Variants in ATP6V0D1 observed in about 807,000 individuals in gnomAD.
ATP6V0D1 encodes the protein ATPase H+ transporting V0 subunit d1.
Under a neutral mutation model 39.0 loss-of-function variants are expected in ATP6V0D1, and 13 were observed. The observed-to-expected ratio is 0.33, with a 90% CI of 0.22 to 0.53. The LOEUF (loss-of-function observed/expected upper bound fraction) is 0.53. Among genes scored for constraint, ATP6V0D1 ranks in the 20% least tolerant of loss-of-function variants. ATP6V0D1 has a pLI of 0.94. For missense variants in ATP6V0D1, 272 were observed against 470.9 expected, an observed-to-expected ratio of 0.58 and a Z score of 3.91; for synonymous variants, 191 against 191.2, an observed-to-expected ratio of 1.00 and a Z score of 0.01.
intron 1 of ATP6V0D1, among the ~76,000 whole-genome samples, chr16:67,474,146 C>T (rs1280818170): frequency 6.6e-6 from 1 of 152,198 alleles, no homozygotes; most frequent in Non-Finnish European, 1.5e-5. Context: ...TTGTATTAGC[C>T]ACTCAAGGCC....
intron 1 of ATP6V0D1, among the ~76,000 whole-genome samples, chr16:67,472,914 C>T (rs946171787): frequency 1.3e-5 from 2 of 152,072 alleles, no homozygotes; most frequent in African/African-American, 2.4e-5. Flanking sequence ...ACAGAAAATC[C>T]TAAACAAGAC....
intron 1 of ATP6V0D1, among the ~76,000 whole-genome samples, chr16:67,464,702 C>T (rs934935768): frequency 6.6e-5 from 10 of 152,376 alleles, no homozygotes; most frequent in African/African-American, 2.4e-4. Context: ...GATGACTCCT[C>T]AGAGGGAAAA....
chr16:67,480,992 T>C lies in ATP6V0D1; in HGVS notation c.95A>G (p.Asp32Gly). The C allele has an allele frequency of 6.2e-7, 1 of 1,614,166 alleles. No homozygotes were observed. The highest frequency in any genetic ancestry group is 1.3e-5 in the African/African-American group (1 of 75,072). ...CTCGCACTGCACCAGGTTGAGGTAG[T>C]CGGCCTGGCTGAGCACCCCGGCCTT... Reference protein sequence around the residue: ...GLKAGVLSQADYLNLVQCETL... With the variant: ...GLKAGVLSQAGYLNLVQCETL... The change falls in exon 1 of 8, where the codon GAC (aspartate) becomes GGC (glycine). Residue 32 changes from aspartate (D) to glycine (G), a missense_variant. Around this residue, in one of 4 missense-constraint regions of ATP6V0D1, gnomAD observed 81 missense variants for 96.0 expected, o/e 0.84. Transcript: ENST00000290949.
intron 1 of ATP6V0D1, chr16:67,457,596 G>C (rs2041250563): frequency 3.1e-6 from 4 of 1,289,562 alleles, no homozygotes; most frequent in South Asian, 1.2e-5. Context: ...ACTGTCACTG[G>C]ACTGTCATCA....
chr16:67,480,988 G>A lies in ATP6V0D1; in HGVS notation c.99C>T (p.Tyr33=), dbSNP rs147375909. The change falls in exon 1 of 8, where the codon TAC becomes TAT. Residue 33 remains tyrosine (Y), a synonymous_variant. Coordinates refer to ENST00000290949, the MANE Select transcript of ATP6V0D1 (RefSeq NM_004691.5). ...LKAGVLSQAD[Y]LNLVQCETLE... is the part of the protein sequence containing the mutation. ...GCGTCTCGCACTGCACCAGGTTGAG[G>A]TAGTCGGCCTGGCTGAGCACCCCGG... 2.0e-5 allele frequency: 33 copies of A among 1,614,170 alleles called. No homozygotes were observed. The African/African-American group carries it at 3.3e-4, about 16-fold the overall frequency.
At chr16:67,439,568 T>G (rs1597566210) in intron 4 of ATP6V0D1, 1 of 594,320 alleles carries the variant, frequency 1.7e-6, no homozygotes. Flanking sequence ...CACCCAGGAG[T>G]GCCAGGGCAG....
At chr16:67,446,352 G>A (rs2041115001) in intron 2 of ATP6V0D1, among the ~76,000 whole-genome samples, 1 of 152,144 alleles carries the variant, frequency 6.6e-6, no homozygotes, top group African/African-American at 2.4e-5. Flanking sequence ...TTGCTCTCCT[G>A]GGCCTGGAGC....
intron 1 of ATP6V0D1, among the ~76,000 whole-genome samples, 184 bp downstream of exon 1, chr16:67,480,773 T>G (rs920008305): frequency 1.3e-5 from 2 of 152,156 alleles, no homozygotes; most frequent in Non-Finnish European, 2.9e-5. Flanking sequence ...TTGTTTGAGT[T>G]TGGGCCCGCG....
At chr16:67,465,868 G>A (rs1427985922) in intron 1 of ATP6V0D1, among the ~76,000 whole-genome samples, 1 of 152,150 alleles carries the variant, frequency 6.6e-6, no homozygotes, top group Non-Finnish European at 1.5e-5. Flanking sequence ...GAGACCCAAG[G>A]GACAGTGCTG....
At chr16:67,469,072 G>T (rs1217688065) in intron 1 of ATP6V0D1, among the ~76,000 whole-genome samples, 1 of 152,150 alleles carries the variant, frequency 6.6e-6, no homozygotes, top group East Asian at 1.9e-4. Context: ...CACTTTGGGA[G>T]GCCAAGGCAG....
intron 1 of ATP6V0D1, among the ~76,000 whole-genome samples, chr16:67,471,063 G>T (rs2041368924): frequency 6.6e-6 from 1 of 152,118 alleles, no homozygotes; most frequent in Admixed American, 6.5e-5. Flanking sequence ...TTTCTTTTTT[G>T]TTTATAATTG....
At chr16:67,460,676 G>T (rs2041282411) in intron 1 of ATP6V0D1, among the ~76,000 whole-genome samples, 1 of 151,716 alleles carries the variant, frequency 6.6e-6, no homozygotes, top group African/African-American at 2.4e-5. Context: ...CTCCCCCCAT[G>T]CCATCTGCCA....
At chr16:67,451,957 T>C (rs1430671286) in intron 2 of ATP6V0D1, among the ~76,000 whole-genome samples, 1 of 152,186 alleles carries the variant, frequency 6.6e-6, no homozygotes, top group Admixed American at 6.5e-5. Flanking sequence ...CCTCTGACCA[T>C]GGGCATGGGG....
chr16:67,453,017 C>T lies in ATP6V0D1; in HGVS notation c.302+527G>A, dbSNP rs967391862. On this transcript the variant is annotated intron_variant, in intron 2 of 7. Transcript: ENST00000290949. The surrounding 1 kb of genome is among the most constrained non-coding windows in gnomAD (Gnocchi z 4.1). ...TTCAGCCTGCCCCTCAACTCTACTC[C>T]GAACCAATCTCCCTGAGACCCAGGG... Among the ~76,000 whole-genome samples, 1 of 152,280 alleles carries T rather than the reference C, an allele frequency of 6.6e-6. No homozygotes were observed. The highest frequency in any genetic ancestry group is 2.1e-4 in the South Asian group (1 of 4,826).
In ATP6V0D1 at chr16:67,438,426, G is replaced by A; in HGVS notation, c.*102C>T. 2.1e-6 allele frequency: 3 copies of A among 1,415,012 alleles called. No individual in the cohort carries two copies. The highest frequency in any genetic ancestry group is 2.9e-6 in the Non-Finnish European group (3 of 1,039,210). 87.7% of individuals were successfully genotyped at this position (1,415,012 alleles called of 1,614,324 possible). A position where few individuals can be genotyped will look rare whatever the true frequency, so the allele number is the denominator to read the frequency against. ...TACTACACCCCGGACAGGCAGGTGAGCCACAGGCTTGTCACAGACCACATA... is the reference window on the plus strand; with the variant it reads ...TACTACACCCCGGACAGGCAGGTGAACCACAGGCTTGTCACAGACCACATA... On this transcript the variant is annotated 3_prime_UTR_variant, in exon 8 of 8. Coordinates refer to ENST00000290949, the MANE Select transcript of ATP6V0D1 (RefSeq NM_004691.5).
In ATP6V0D1 at chr16:67,453,333, TG is replaced by T. The variant is rs1307784238; in HGVS notation, c.302+210del. Among the ~76,000 whole-genome samples the T allele has an allele frequency of 1.3e-5, 2 of 152,158 alleles. No homozygotes were observed. The highest frequency in any genetic ancestry group is 2.9e-5 in the Non-Finnish European group (2 of 68,016). On this transcript the variant is annotated intron_variant, in intron 2 of 7. Coordinates refer to ENST00000290949, the MANE Select transcript of ATP6V0D1 (RefSeq NM_004691.5). The surrounding 1 kb of genome is among the most constrained non-coding windows in gnomAD (Gnocchi z 4.1). ...GTGACCCATTTCATAGGTGGTGGCC[TG>T]GAAGTCCAGGGTTGTTGAATGACCA...
chr16:67,444,553 A>AT lies in ATP6V0D1; in HGVS notation c.455dup (p.Asn152LysfsTer23), dbSNP rs1567534297. On this transcript the variant is annotated frameshift_variant, in exon 3 of 8. Transcript: ENST00000290949. LOFTEE classifies it high-confidence loss of function. This position sits in a 1 kb window ranked among gnomAD's most constrained non-coding sequence, Gnocchi z 4.8. ...CAAGAGGCGTGTCCACCAGAATGGC[A>AT]TTGTAGAGCTCAGCAGGTGTCTGAG... The AT allele has an allele frequency of 6.2e-7, 1 of 1,608,910 alleles. No individual in the cohort carries two copies. Among genetic ancestry groups the AT allele is most frequent in the African/African-American group, 1.3e-5 (1 of 74,902 alleles).
Position 67,447,202 on chromosome 16 carries a change from C to G in ATP6V0D1, c.303-2496G>C, listed in dbSNP as rs1301934639. On this transcript the variant is annotated intron_variant, in intron 2 of 7. Coordinates refer to ENST00000290949, the MANE Select transcript of ATP6V0D1 (RefSeq NM_004691.5). The surrounding 1 kb of genome is among the most constrained non-coding windows in gnomAD (Gnocchi z 4.1). ...GCCCCTTCAAGGCCCTCTTCAAACCCAAGCCAGGCCAATCGTGGGCGATCC... is the reference window on the plus strand; with the variant it reads ...GCCCCTTCAAGGCCCTCTTCAAACCGAAGCCAGGCCAATCGTGGGCGATCC... Among the ~76,000 whole-genome samples the G allele has an allele frequency of 6.6e-6, 1 of 152,250 alleles. No individual in the cohort carries two copies. Among genetic ancestry groups the G allele is most frequent in the Non-Finnish European group, 1.5e-5 (1 of 68,042 alleles).
At position 67,439,279 on chromosome 16, in the gene ATP6V0D1, G is replaced by A; in HGVS notation, c.634C>T (p.Leu212=). The part of the protein sequence containing the change: ...GTTADAMCPI[L]EFEADRRAFI... ...GAGGGCGGGCAGGCACTCACCTCCA[G>A]GATGGGGCACATGGCATCAGCCGTA... The change falls in exon 5 of 8, where the codon CTG becomes TTG. Residue 212 remains leucine, a synonymous_variant. Transcript: ENST00000290949. 1.2e-6 allele frequency: 2 copies of A among 1,614,136 alleles called. No individual in the cohort carries two copies. The highest frequency in any genetic ancestry group is 1.7e-6 in the Non-Finnish European group (2 of 1,180,028).
Sources: allele counts gnomAD v4.1 joint callset (sites outside exome capture counted in the v4.1 genomes callset), GRCh38; gene constraint gnomAD v4.1.1; regional missense constraint gnomAD v4.1.1; non-coding constraint Gnocchi (gnomAD v3.1); transcripts MANE v1.5; gene names NCBI Gene and HGNC (gene_info 2026-07-23, HGNC 2026-07-21).